CNTN5: variants seen among roughly 807,000 people sequenced by gnomAD.
CNTN5 encodes the protein contactin 5.
CNTN5 carries 77 observed loss-of-function variants against 129.1 expected under a neutral mutation model. The observed-to-expected ratio is 0.60, with a 90% CI of 0.50 to 0.72. The LOEUF (loss-of-function observed/expected upper bound fraction) is 0.72. CNTN5 is among the 30% of genes least tolerant of loss of function. The pLI, the probability that CNTN5 is intolerant of heterozygous loss-of-function variation, is 0.00. For missense variants in CNTN5, 1,478 were observed against 1,328.8 expected, an observed-to-expected ratio of 1.11 and a Z score of -1.75; for synonymous variants, 509 against 465.6, an observed-to-expected ratio of 1.09 and a Z score of -1.20.
At position 100,255,824 on chromosome 11, in the gene CNTN5, C is replaced by T; in HGVS notation, c.2070C>T (p.Ser690=). Residue 690 remains serine, a synonymous_variant, in exon 17 of 25, where the codon TCC becomes TCT. Transcript: ENST00000524871. ...TAACCGAAAGTACGGCCACACTGTC[C>T]TGGAGCCCAGCAGCTGACAACCACA... The part of the protein sequence containing the change: ...EEITESTATL[S]WSPAADNHSP... The T allele has an allele frequency of 1.9e-6, 3 of 1,613,928 alleles. No individual in the cohort carries two copies. The highest frequency in any genetic ancestry group is 2.5e-6 in the Non-Finnish European group (3 of 1,179,870).
intron 1 of CNTN5, among the ~76,000 whole-genome samples, chr11:99,144,084 A>C (rs142666009): frequency 7.8e-4 from 118 of 152,256 alleles, no homozygotes; most frequent in African/African-American, 2.7e-3. Context: ...ATTTCTGGAG[A>C]TTTAAATTTT....
intron 1 of CNTN5, among the ~76,000 whole-genome samples, chr11:99,200,463 T>TG (rs1241489972): frequency 6.6e-6 from 1 of 152,222 alleles, no homozygotes; most frequent in African/African-American, 2.4e-5. Flanking sequence ...CAACACGTTT[T>TG]GCTTCATAGA....
intron 1 of CNTN5, among the ~76,000 whole-genome samples, chr11:99,242,508 C>T (rs562914642): frequency 4.8e-4 from 73 of 151,800 alleles, no homozygotes; most frequent in Non-Finnish European, 7.2e-4. Flanking sequence ...ATTTTATGTT[C>T]GGAGGATACA....
intron 13 of CNTN5, among the ~76,000 whole-genome samples, chr11:100,125,298 A>G (rs552923858): frequency 6.6e-6 from 1 of 152,172 alleles, no homozygotes; most frequent in Non-Finnish European, 1.5e-5. Context: ...TATAATACCC[A>G]GTAGCTTTTC....
intron 2 of CNTN5, among the ~76,000 whole-genome samples, chr11:99,524,238 T>A (rs993703502): frequency 6.6e-6 from 1 of 152,174 alleles, no homozygotes; most frequent in Admixed American, 6.5e-5. Flanking sequence ...CAGGTCACTA[T>A]TTGGAGGATA....
chr11:99,400,320 G>A (rs1266040400), intron 2 of CNTN5, among the ~76,000 whole-genome samples: 1 of 152,140 alleles, frequency 6.6e-6, no homozygotes, highest in Middle Eastern at 3.4e-3. Context: ...ATGAACTCCA[G>A]TTCATTATGA....
chr11:100,069,559 T>C (rs1317628151), intron 10 of CNTN5, among the ~76,000 whole-genome samples: 1 of 152,140 alleles, frequency 6.6e-6, no homozygotes, highest in African/African-American at 2.4e-5. Flanking sequence ...AGCCGCTCTG[T>C]TTCTGTATTC....
At chr11:99,996,466 T>G (rs1323022583) in intron 8 of CNTN5, among the ~76,000 whole-genome samples, 1 of 152,198 alleles carries the variant, frequency 6.6e-6, no homozygotes, top group African/African-American at 2.4e-5. Context: ...CAGATTTATC[T>G]AATATCACTT....
intron 2 of CNTN5, among the ~76,000 whole-genome samples, chr11:99,552,219 T>C (rs1948513082): frequency 1.3e-5 from 2 of 151,730 alleles, no homozygotes; most frequent in Admixed American, 6.6e-5. Flanking sequence ...TTTTGTGTTT[T>C]TTTTTTTGTA....
intron 13 of CNTN5, among the ~76,000 whole-genome samples, chr11:100,136,170 C>A (rs752977728): frequency 6.6e-6 from 1 of 152,064 alleles, no homozygotes; most frequent in African/African-American, 2.4e-5. Context: ...TCAAAGCAGA[C>A]GTACAAAAGA....
At chr11:99,683,281 C>A (rs1437565683) in intron 3 of CNTN5, among the ~76,000 whole-genome samples, 2 of 151,742 alleles carry the variant, frequency 1.3e-5, no homozygotes, top group African/African-American at 2.4e-5. Context: ...TTCCACCTTG[C>A]ACTTTTTCAT....
At chr11:99,433,888 C>T (rs183077720) in intron 2 of CNTN5, among the ~76,000 whole-genome samples, 596 of 152,254 alleles carry the variant, frequency 3.9e-3, no homozygotes, top group Non-Finnish European at 6.4e-3. Context: ...CAGCTGCTTT[C>T]CTAGTCACCT....
At chr11:99,758,100 T>C (rs1944461892) in intron 3 of CNTN5, among the ~76,000 whole-genome samples, 1 of 152,092 alleles carries the variant, frequency 6.6e-6, no homozygotes, top group African/African-American at 2.4e-5. Flanking sequence ...ATAATAACTT[T>C]GCTTTAGCTT....
chr11:99,558,123 CTG>C (rs1948732006), intron 3 of CNTN5: 1 of 173,026 alleles, frequency 5.8e-6, no homozygotes, highest in African/African-American at 2.4e-5. Context: ...TAAGTGAAAA[CTG>C]TGATTCATCA....
intron 3 of CNTN5, among the ~76,000 whole-genome samples, chr11:99,677,272 A>C (rs561168590): frequency 6.6e-6 from 1 of 152,246 alleles, no homozygotes; most frequent in East Asian, 1.9e-4. Flanking sequence ...TGTTTAACTT[A>C]TCTCAGAGAC....
At chr11:99,526,886 G>A (rs759489800) in intron 2 of CNTN5, among the ~76,000 whole-genome samples, 4 of 152,310 alleles carry the variant, frequency 2.6e-5, no homozygotes, top group Non-Finnish European at 5.9e-5. Flanking sequence ...TTCCAAGATC[G>A]TGAAACTGCT....
chr11:99,592,978 A>G (rs1217752321), intron 3 of CNTN5, among the ~76,000 whole-genome samples: 2 of 152,186 alleles, frequency 1.3e-5, no homozygotes, highest in Non-Finnish European at 2.9e-5. Context: ...TGAGAGAAAA[A>G]GGGAGGCAAT....
intron 1 of CNTN5, among the ~76,000 whole-genome samples, chr11:99,083,966 C>G (rs1396315273): frequency 6.6e-6 from 1 of 152,182 alleles, no homozygotes; most frequent in Non-Finnish European, 1.5e-5. Flanking sequence ...TATCACATTA[C>G]TTAACTGACA....
At chr11:99,927,007 G>A (rs1177357506) in intron 7 of CNTN5, among the ~76,000 whole-genome samples, 3 of 152,116 alleles carry the variant, frequency 2.0e-5, no homozygotes, top group African/African-American at 7.2e-5. Context: ...GTGTAATTGA[G>A]TGAGACTAAT....
Sources: gnomAD v4.1 joint callset for allele counts (sites outside exome capture counted in the v4.1 genomes callset) on GRCh38, gnomAD v4.1.1 for gene constraint, MANE v1.5 for transcripts, NCBI Gene and HGNC (gene_info 2026-07-23, HGNC 2026-07-21) for gene names.